Variants in HS6ST3 observed in about 807,000 individuals in gnomAD.
The protein encoded by HS6ST3 is heparan sulfate 6-O-sulfotransferase 3.
In HS6ST3, 12 loss-of-function variants were observed where a neutral mutation model predicts 36.7. The observed-to-expected ratio is 0.33, with a 90% CI of 0.21 to 0.53. The LOEUF (loss-of-function observed/expected upper bound fraction) is 0.53. HS6ST3 is among the 20% of genes least tolerant of loss of function. The probability of loss-of-function intolerance (pLI) is 0.95; values close to 1 mark genes in which losing one functional copy is unlikely to be tolerated. For synonymous variants in HS6ST3, 240 were observed against 257.5 expected (o/e 0.93, Z 0.65); for missense variants, 584 against 640.9 (o/e 0.91, Z 0.96).
At chr13:96,578,882 C>G (rs2056331270) in intron 1 of HS6ST3, among the ~76,000 whole-genome samples, 2 of 152,164 alleles carry the variant, frequency 1.3e-5, no homozygotes, top group African/African-American at 4.8e-5. Flanking sequence ...TTGTTTCATC[C>G]CTAGCTGTGA....
intron 1 of HS6ST3, among the ~76,000 whole-genome samples, chr13:96,543,972 T>TATATAA (rs2056187940): frequency 6.6e-6 from 1 of 151,106 alleles, no homozygotes; most frequent in African/African-American, 2.4e-5. Flanking sequence ...TATATATATA[T>TATATAA]AATTCTAAAC....
At position 96,744,068 on chromosome 13, in the gene HS6ST3, C is replaced by T. The variant is rs1229451113; in HGVS notation, c.708-88422C>T. On this transcript the variant is annotated intron_variant, in intron 1 of 1. Coordinates refer to ENST00000376705, the MANE Select transcript of HS6ST3 (RefSeq NM_153456.4). ...AAGAATATTTCTATAAGTCACATCTCATCTAGTAAATGCAAGAAGTTAAAC... is the reference window on the plus strand; with the variant it reads ...AAGAATATTTCTATAAGTCACATCTTATCTAGTAAATGCAAGAAGTTAAAC... 2.0e-5 allele frequency among the ~76,000 whole-genome samples: 3 copies of T among 152,008 alleles called. No homozygotes were observed. The East Asian group carries it at 5.8e-4, about 29-fold the overall frequency.
intron 1 of HS6ST3, among the ~76,000 whole-genome samples, chr13:96,180,812 T>G (rs1387423761): frequency 6.6e-6 from 1 of 152,210 alleles, no homozygotes; most frequent in Non-Finnish European, 1.5e-5. Flanking sequence ...AGTCTGAGAT[T>G]TGAACCAAAG....
intron 1 of HS6ST3, among the ~76,000 whole-genome samples, chr13:96,122,110 G>GTATTATTATTAT (rs55776008): frequency 0.13 from 19,523 of 144,970 alleles, 1,623 homozygotes; most frequent in African/African-American, 0.23. Context: ...ACCCTTTCAG[G>GTATTATTATTAT]TATTATTATT....
intron 1 of HS6ST3, among the ~76,000 whole-genome samples, chr13:96,118,871 C>T (rs1440263357): frequency 1.5e-3 from 221 of 147,482 alleles, no homozygotes; most frequent in African/African-American, 4.9e-3. Context: ...CCACCGCGCC[C>T]GGCTAATTTT....
At chr13:96,734,746 C>A (rs1484297110) in intron 1 of HS6ST3, among the ~76,000 whole-genome samples, 1 of 152,190 alleles carries the variant, frequency 6.6e-6, no homozygotes, top group Non-Finnish European at 1.5e-5. Flanking sequence ...CTGAAATGAG[C>A]AATGCCTGAA....
At chr13:96,360,526 A>T (rs906357084) in intron 1 of HS6ST3, among the ~76,000 whole-genome samples, 3 of 152,006 alleles carry the variant, frequency 2.0e-5, no homozygotes, top group Non-Finnish European at 4.4e-5. Context: ...CCACTGTCAG[A>T]AATAGCTACT....
intron 1 of HS6ST3, among the ~76,000 whole-genome samples, chr13:96,786,370 A>C (rs1162558648): frequency 6.6e-6 from 1 of 152,112 alleles, no homozygotes; most frequent in African/African-American, 2.4e-5. Context: ...TATCTACTCT[A>C]GTGCTATCTG....
chr13:96,398,525 C>T (rs1243171437), intron 1 of HS6ST3, among the ~76,000 whole-genome samples: 1 of 152,192 alleles, frequency 6.6e-6, no homozygotes, highest in Non-Finnish European at 1.5e-5. Context: ...TGACTCCACC[C>T]ACCTTGGCCT....
chr13:96,658,656 GT>G (rs1252169354), intron 1 of HS6ST3, among the ~76,000 whole-genome samples: 2 of 150,766 alleles, frequency 1.3e-5, no homozygotes, highest in Non-Finnish European at 3.0e-5. Context: ...TGTTATGAAT[GT>G]TTTTGTATGG....
In HS6ST3 at chr13:96,145,190, A is replaced by C. The variant is rs893080300; in HGVS notation, c.707+53621A>C. Among the ~76,000 whole-genome samples the C allele has an allele frequency of 2.7e-5, 4 of 149,022 alleles. No individual in the cohort carries two copies. In the South Asian group the frequency reaches 8.9e-4, roughly 33 times the overall value. ...ACCCAGTAATGGGATGGCTGGGTCA[A>C]ATGGTATTTCTAGTTCTAGATCCCT... On this transcript the variant is annotated intron_variant, in intron 1 of 1. Transcript: ENST00000376705.
intron 1 of HS6ST3, among the ~76,000 whole-genome samples, chr13:96,112,183 G>A (rs1443443158): frequency 6.6e-6 from 1 of 152,088 alleles, no homozygotes; most frequent in African/African-American, 2.4e-5. Flanking sequence ...TTACAGAATG[G>A]TAGGGAAAAG....
rs79617694 is a variant in HS6ST3, at chr13:96,583,078, C to T, written c.708-249412C>T. ...CCCAGCCATAGTCTTCTTACTTGCC[C>T]CTTTGTTTTCACCTTTGCCCCTCTA... is the stretch of plus-strand genomic sequence containing the variant. On this transcript the variant is annotated intron_variant, in intron 1 of 1. Coordinates refer to ENST00000376705, the MANE Select transcript of HS6ST3 (RefSeq NM_153456.4). Among the ~76,000 whole-genome samples, 932 of 152,086 alleles carry T rather than the reference C, an allele frequency of 6.1e-3. 12 individuals carry two copies. The highest frequency in any genetic ancestry group is 0.041 in the Middle Eastern group (12 of 294).
intron 1 of HS6ST3, among the ~76,000 whole-genome samples, chr13:96,230,176 A>C (rs760092824): frequency 2.0e-5 from 3 of 152,182 alleles, no homozygotes; most frequent in Non-Finnish European, 2.9e-5. Flanking sequence ...CCCTGAGAAG[A>C]GTAGTGATAT....
chr13:96,721,344 A>G (rs1875841431), intron 1 of HS6ST3, among the ~76,000 whole-genome samples: 1 of 152,204 alleles, frequency 6.6e-6, no homozygotes, highest in South Asian at 2.1e-4. Flanking sequence ...CCACAGGTAC[A>G]GTGTTGTCTC....
At chr13:96,629,549 A>T (rs1367696713) in intron 1 of HS6ST3, among the ~76,000 whole-genome samples, 1 of 152,126 alleles carries the variant, frequency 6.6e-6, no homozygotes, top group Non-Finnish European at 1.5e-5. Flanking sequence ...GCGTTCTCTC[A>T]ATGCATTGCA....
chr13:96,356,541 A>G (rs2055211125), intron 1 of HS6ST3, among the ~76,000 whole-genome samples: 1 of 152,184 alleles, frequency 6.6e-6, no homozygotes, highest in Non-Finnish European at 1.5e-5. Context: ...GACTAGGTGC[A>G]TTGTCAATGA....
At chr13:96,240,403 T>C (rs908706130) in intron 1 of HS6ST3, among the ~76,000 whole-genome samples, 2 of 152,208 alleles carry the variant, frequency 1.3e-5, no homozygotes, top group African/African-American at 4.8e-5. Flanking sequence ...TAGTACTCTA[T>C]TGCTAAGAAT....
At chr13:96,263,281 G>T (rs1179275281) in intron 1 of HS6ST3, among the ~76,000 whole-genome samples, 2 of 152,134 alleles carry the variant, frequency 1.3e-5, no homozygotes, top group African/African-American at 4.8e-5. Flanking sequence ...TTTCAATATA[G>T]TTTTCTATCC....
Sources: allele counts gnomAD v4.1 joint callset (sites outside exome capture counted in the v4.1 genomes callset), GRCh38; gene constraint gnomAD v4.1.1; transcripts MANE v1.5; gene names NCBI Gene and HGNC (gene_info 2026-07-23, HGNC 2026-07-21).